DCUN1D4: variants seen among roughly 807,000 people sequenced by gnomAD.
DCUN1D4 encodes DCN1-like protein 4.
In DCUN1D4, 22 loss-of-function variants were observed where a neutral mutation model predicts 47.9. The observed-to-expected ratio is 0.46, with a 90% CI of 0.33 to 0.66. DCUN1D4 has a LOEUF of 0.66. Ranked by LOEUF, DCUN1D4 falls within the 30% of genes least tolerant of loss-of-function variation. DCUN1D4 has a pLI of 0.02. For synonymous variants in DCUN1D4, 121 were observed against 112.2 expected (o/e 1.08, Z -0.50); for missense variants, 301 against 340.8 (o/e 0.88, Z 0.92).
intron 7 of DCUN1D4, among the ~76,000 whole-genome samples, chr4:51,897,486 C>T (rs1000500826): frequency 2.0e-5 from 3 of 152,144 alleles, no homozygotes; most frequent in African/African-American, 4.8e-5. Context: ...AATACGTATT[C>T]AGTGTTGAAA....
chr4:51,890,678 G>C (rs186201155), intron 6 of DCUN1D4, among the ~76,000 whole-genome samples: 3 of 152,154 alleles, frequency 2.0e-5, no homozygotes, highest in Admixed American at 1.3e-4. Flanking sequence ...ACCTCTTCTA[G>C]GATCTTTGAG....
chr4:51,843,006 G>A, upstream of DCUN1D4: 2 of 1,307,886 alleles, frequency 1.5e-6, no homozygotes, highest in Non-Finnish European at 2.0e-6. Flanking sequence ...GGCCAGTGGG[G>A]GGCGGGGCCT....
At chr4:51,868,716 C>G (rs991660626) in intron 3 of DCUN1D4, among the ~76,000 whole-genome samples, 3 of 152,334 alleles carry the variant, frequency 2.0e-5, no homozygotes, top group Non-Finnish European at 4.4e-5. Context: ...TCTGCCTCCT[C>G]TCAGGCCTTT....
intron 1 of DCUN1D4, among the ~76,000 whole-genome samples, chr4:51,849,443 T>G (rs183854135): frequency 6.6e-6 from 1 of 152,346 alleles, no homozygotes; most frequent in East Asian, 1.9e-4. Flanking sequence ...AGAATTAGTT[T>G]CTGATGCTCT....
At chr4:51,839,706 G>C (rs1278420885), upstream of DCUN1D4, among the ~76,000 whole-genome samples, 1 of 152,082 alleles carries the variant, frequency 6.6e-6, no homozygotes, top group Non-Finnish European at 1.5e-5. Context: ...ATTCCTCTCT[G>C]TCCTGTGTTC....
At chr4:51,853,708 G>A (rs1723702548) in intron 1 of DCUN1D4, among the ~76,000 whole-genome samples, 2 of 152,248 alleles carry the variant, frequency 1.3e-5, no homozygotes, top group South Asian at 4.1e-4. Flanking sequence ...GGTATTTGGT[G>A]TTTTTCAGTC....
At chr4:51,855,961 C>T (rs564147261) in intron 1 of DCUN1D4, among the ~76,000 whole-genome samples, 1 of 152,272 alleles carries the variant, frequency 6.6e-6, no homozygotes, top group African/African-American at 2.4e-5. Flanking sequence ...TCCCATATCA[C>T]GTGGTACAAT....
rs765211389 is a variant in DCUN1D4, at chr4:51,916,002, G to C, written c.*2418G>C. 1 of 152,030 alleles carries C rather than the reference G, an allele frequency of 6.6e-6. No homozygotes were observed. Among genetic ancestry groups the C allele is most frequent in the Non-Finnish European group, 1.5e-5 (1 of 67,964 alleles). 9.4% of individuals were successfully genotyped at this position (152,030 alleles called of 1,614,324 possible). A position where few individuals can be genotyped will look rare whatever the true frequency, so the allele number is the denominator to read the frequency against. On this transcript the variant is annotated 3_prime_UTR_variant, in exon 11 of 11. Coordinates refer to ENST00000334635, the MANE Select transcript of DCUN1D4 (RefSeq NM_001040402.3). ...TTTATTTCTAAGGGGAGAAAAAGGG[G>C]TCAGACAGAGTAATATGATACATTT...
chr4:51,869,317 C>T (rs1301029106), intron 3 of DCUN1D4, among the ~76,000 whole-genome samples: 2 of 151,940 alleles, frequency 1.3e-5, no homozygotes, highest in East Asian at 1.9e-4. Context: ...ATATCTTAAG[C>T]GGCAAGCTAT....
At chr4:51,882,583 G>A (rs1415031749) in intron 5 of DCUN1D4, among the ~76,000 whole-genome samples, 6 of 151,940 alleles carry the variant, frequency 3.9e-5, no homozygotes, top group African/African-American at 7.3e-5. Context: ...CTGGCTAACA[G>A]GTGAAACCCC....
At chr4:51,900,539 G>A (rs1171850125) in intron 8 of DCUN1D4, among the ~76,000 whole-genome samples, 2 of 152,014 alleles carry the variant, frequency 1.3e-5, no homozygotes, top group Non-Finnish European at 2.9e-5. Flanking sequence ...TTTGAGACCA[G>A]CCTGGGTAAC....
the DCUN1D4 span, among the ~76,000 whole-genome samples, chr4:51,836,177 A>C: frequency 6.6e-6 from 1 of 152,172 alleles, no homozygotes; most frequent in African/African-American, 2.4e-5. Flanking sequence ...TGTTAACTTG[A>C]ATGTTTAATC....
In DCUN1D4 at chr4:51,916,503, C is replaced by G. The variant is rs1734336304; in HGVS notation, c.*2919C>G. 1.3e-5 allele frequency: 2 copies of G among 152,488 alleles called. No homozygotes were observed. The highest frequency in any genetic ancestry group is 1.3e-4 in the Admixed American group (2 of 15,236). The allele number at this position is 152,488 out of a possible 1,614,324, so 9.4% of individuals were successfully genotyped here. A position where few individuals can be genotyped will look rare whatever the true frequency, so the allele number is the denominator to read the frequency against. ...ACCTCTGTAAGCCTTATCCTTTATT[C>G]TTTCATATGTTGTATAATAAATGTA... On this transcript the variant is annotated 3_prime_UTR_variant, in exon 11 of 11. Coordinates refer to ENST00000334635, the MANE Select transcript of DCUN1D4 (RefSeq NM_001040402.3).
chr4:51,834,084 C>CTTTTTTTTTTTT, the DCUN1D4 span, among the ~76,000 whole-genome samples: 1 of 44,978 alleles, frequency 2.2e-5, no homozygotes, highest in East Asian at 1.7e-3. Flanking sequence ...CTCTCTCTCT[C>CTTTTTTTTTTTT]TCTTTTCTTT....
At chr4:51,877,664 T>G in intron 4 of DCUN1D4, 99 bp from the exon 5 acceptor site, 1 of 730,680 alleles carries the variant, frequency 1.4e-6, no homozygotes, top group Non-Finnish European at 2.3e-6. Flanking sequence ...AAATACTGAT[T>G]GAATAGATGT....
intron 1 of DCUN1D4, chr4:51,848,319 T>G (rs1722872036): frequency 6.2e-6 from 8 of 1,287,022 alleles, no homozygotes; most frequent in Non-Finnish European, 8.1e-6. Context: ...CCGTTTCTGG[T>G]CTCTCGTGTC....
At chr4:51,877,535 C>T (rs1409019486) in intron 4 of DCUN1D4, 4 of 326,460 alleles carry the variant, frequency 1.2e-5, no homozygotes, top group Middle Eastern at 9.0e-4. Context: ...ATTTGTTAAT[C>T]AGAGAAAAAC....
intron 7 of DCUN1D4, among the ~76,000 whole-genome samples, chr4:51,896,315 G>T (rs1731252942): frequency 6.6e-6 from 1 of 152,130 alleles, no homozygotes; most frequent in African/African-American, 2.4e-5. Context: ...TCTTCTCATA[G>T]CTCTGCCTAG....
At chr4:51,881,434 A>G (rs915010862) in intron 5 of DCUN1D4, among the ~76,000 whole-genome samples, 21 of 152,270 alleles carry the variant, frequency 1.4e-4, no homozygotes, top group Admixed American at 6.5e-4. Flanking sequence ...AAAACTACCT[A>G]AGAGACCATG....
Sources: gnomAD v4.1 joint callset for allele counts (sites outside exome capture counted in the v4.1 genomes callset) on GRCh38, gnomAD v4.1.1 for gene constraint, MANE v1.5 for transcripts, NCBI Gene and HGNC (gene_info 2026-07-23, HGNC 2026-07-21) for gene names.